NCKAP5: variants seen among roughly 807,000 people sequenced by gnomAD.
The protein encoded by NCKAP5 is nck-associated protein 5.
Under a neutral mutation model 167.0 loss-of-function variants are expected in NCKAP5, and 92 were observed. The ratio of observed to expected loss-of-function variants is 0.55; its 90% CI spans 0.47 to 0.66. The LOEUF (loss-of-function observed/expected upper bound fraction) is 0.66, where lower values mean the gene tolerates loss of function less well. Ranked by LOEUF, NCKAP5 falls within the 30% of genes least tolerant of loss-of-function variation. NCKAP5 has a pLI of 0.00. For synonymous variants in NCKAP5, 891 were observed against 877.4 expected (o/e 1.02, Z -0.27); for missense variants, 2,378 against 2,315.0 (o/e 1.03, Z -0.56).
chr2:132,768,977 C>T (rs1399337158), intron 16 of NCKAP5, among the ~76,000 whole-genome samples: 5 of 132,498 alleles, frequency 3.8e-5, no homozygotes, highest in Non-Finnish European at 1.5e-5. Context: ...CAGGGTCTTG[C>T]TCTGTCGCCT....
At chr2:133,003,415 A>G (rs1336619757) in intron 6 of NCKAP5, among the ~76,000 whole-genome samples, 1 of 152,192 alleles carries the variant, frequency 6.6e-6, no homozygotes, top group Non-Finnish European at 1.5e-5. Context: ...GTTCATGTGG[A>G]AAATGTTGGT....
chr2:133,147,714 C>T (rs2083249977), intron 5 of NCKAP5, among the ~76,000 whole-genome samples: 2 of 152,090 alleles, frequency 1.3e-5, no homozygotes, highest in South Asian at 4.1e-4. Flanking sequence ...CCCATGGGTA[C>T]ACCCTGACCT....
intron 8 of NCKAP5, among the ~76,000 whole-genome samples, chr2:132,922,929 T>TGG (rs1251854824): frequency 6.6e-6 from 1 of 152,198 alleles, no homozygotes; most frequent in East Asian, 1.9e-4. Flanking sequence ...ATTTCAGGAG[T>TGG]GGGGGCTGGA....
intron 4 of NCKAP5, among the ~76,000 whole-genome samples, chr2:133,226,686 T>A (rs2086910636): frequency 6.8e-6 from 1 of 146,132 alleles, no homozygotes; most frequent in African/African-American, 2.6e-5. Flanking sequence ...GAGGTGACAC[T>A]TCTACAAGCC....
At chr2:133,355,455 G>C (rs1394958016) in intron 3 of NCKAP5, among the ~76,000 whole-genome samples, 1 of 152,180 alleles carries the variant, frequency 6.6e-6, no homozygotes, top group Non-Finnish European at 1.5e-5. Flanking sequence ...ACAAGAGACA[G>C]TTCTTTCCTT....
the NCKAP5 span, among the ~76,000 whole-genome samples, chr2:133,587,176 T>A: frequency 1.3e-5 from 2 of 152,064 alleles, no homozygotes; most frequent in Non-Finnish European, 2.9e-5. Context: ...TCAGAACAAG[T>A]AATGAGTAAG....
intron 4 of NCKAP5, among the ~76,000 whole-genome samples, chr2:133,216,138 CTT>C (rs1330125843): frequency 6.6e-6 from 1 of 152,038 alleles, no homozygotes; most frequent in Non-Finnish European, 1.5e-5. Flanking sequence ...GATTGAAAGA[CTT>C]AATATTATTA....
Position 132,901,593 on chromosome 2 carries a change from C to A in NCKAP5, c.580-22677G>T, listed in dbSNP as rs1317707065. Among the ~76,000 whole-genome samples the A allele has an allele frequency of 1.3e-5, 2 of 152,028 alleles. 1 individual carries two copies. The highest frequency in any genetic ancestry group is 4.2e-4 in the South Asian group (2 of 4,818). On this transcript the variant is annotated intron_variant, in intron 8 of 19. Transcript: ENST00000409261. ...GTGGAAACGCATTAAGTAAACAATG[C>A]TGTAAATAAAATAAGATTGTGTCAA... is the stretch of plus-strand genomic sequence containing the variant.
the NCKAP5 span, among the ~76,000 whole-genome samples, chr2:133,652,681 T>A: frequency 6.6e-6 from 1 of 152,224 alleles, no homozygotes; most frequent in African/African-American, 2.4e-5. Flanking sequence ...ACTGGGGGAA[T>A]AAGAAGCACA....
intron 4 of NCKAP5, among the ~76,000 whole-genome samples, chr2:133,288,303 C>T (rs1465639839): frequency 1.3e-5 from 2 of 152,170 alleles, no homozygotes; most frequent in East Asian, 1.9e-4. Flanking sequence ...AACTTTTGCT[C>T]AGTTGTGACG....
intron 3 of NCKAP5, among the ~76,000 whole-genome samples, chr2:133,448,003 C>A (rs1345671285): frequency 6.6e-6 from 1 of 152,166 alleles, no homozygotes; most frequent in East Asian, 1.9e-4. Context: ...CAGACTAAAG[C>A]AAACATGCCT....
chr2:133,172,204 A>G (rs1172075047), intron 5 of NCKAP5, among the ~76,000 whole-genome samples: 1 of 152,236 alleles, frequency 6.6e-6, no homozygotes, highest in East Asian at 1.9e-4. Context: ...AAACAAAAGT[A>G]TATGTTGATA....
the NCKAP5 span, among the ~76,000 whole-genome samples, chr2:133,576,885 G>A: frequency 1.3e-5 from 2 of 152,206 alleles, no homozygotes; most frequent in Non-Finnish European, 2.9e-5. Flanking sequence ...TCCAAAGGTC[G>A]CAGGGTTAGT....
intron 2 of NCKAP5, among the ~76,000 whole-genome samples, chr2:133,520,042 T>A (rs13411996): frequency 0.025 from 3,812 of 151,328 alleles, 150 homozygotes; most frequent in African/African-American, 0.088. Flanking sequence ...AAAAAAAAAA[T>A]TAGCTGGGCA....
chr2:133,048,734 T>C (rs1178551581), intron 6 of NCKAP5, among the ~76,000 whole-genome samples: 1 of 152,210 alleles, frequency 6.6e-6, no homozygotes, highest in African/African-American at 2.4e-5. Flanking sequence ...GGAATAGAAA[T>C]AGAATAACGA....
At chr2:133,461,964 AT>A (rs1235030978) in intron 3 of NCKAP5, among the ~76,000 whole-genome samples, 1 of 151,894 alleles carries the variant, frequency 6.6e-6, no homozygotes, top group Non-Finnish European at 1.5e-5. Flanking sequence ...ATGTTTGAGG[AT>A]TTTTGACCAT....
At chr2:133,048,033 AG>A (rs2079462927) in intron 6 of NCKAP5, among the ~76,000 whole-genome samples, 2 of 152,240 alleles carry the variant, frequency 1.3e-5, no homozygotes, top group Non-Finnish European at 2.9e-5. Context: ...CGAAAGATTC[AG>A]GTTCATGTCT....
intron 19 of NCKAP5, among the ~76,000 whole-genome samples, chr2:132,713,522 G>A (rs1364914041): frequency 6.6e-6 from 1 of 152,160 alleles, no homozygotes; most frequent in East Asian, 1.9e-4. Flanking sequence ...GATTTCATGG[G>A]ACACTGTGGT....
At chr2:133,440,414 A>G (rs190415982) in intron 3 of NCKAP5, among the ~76,000 whole-genome samples, 4 of 152,298 alleles carry the variant, frequency 2.6e-5, no homozygotes, top group Admixed American at 2.0e-4. Flanking sequence ...CACTGGCTTA[A>G]GAATGATTTT....
Sources: allele counts gnomAD v4.1 joint callset (sites outside exome capture counted in the v4.1 genomes callset), GRCh38; gene constraint gnomAD v4.1.1; transcripts MANE v1.5; gene names NCBI Gene and HGNC (gene_info 2026-07-23, HGNC 2026-07-21).